TRERF1: variants seen among roughly 807,000 people sequenced by gnomAD.
TRERF1 encodes transcriptional-regulating factor 1.
In TRERF1, 27 loss-of-function variants were observed where a neutral mutation model predicts 122.9. The observed-to-expected ratio is 0.22, with a 90% CI of 0.16 to 0.30. The LOEUF (loss-of-function observed/expected upper bound fraction) is 0.30. Among genes scored for constraint, TRERF1 ranks in the 10% least tolerant of loss-of-function variants. The probability of loss-of-function intolerance (pLI) is 1.00; values close to 1 mark genes in which losing one functional copy is unlikely to be tolerated. For synonymous variants in TRERF1, 636 were observed against 641.7 expected (o/e 0.99, Z 0.13); for missense variants, 1,248 against 1,560.3 (o/e 0.80, Z 3.37).
chr6:42,347,853 C>A (rs564694697), intron 3 of TRERF1, among the ~76,000 whole-genome samples: 1 of 152,326 alleles, frequency 6.6e-6, no homozygotes, highest in East Asian at 1.9e-4. Flanking sequence ...GTCTGCAGAG[C>A]TTCCCAGAGG....
chr6:42,243,582 ATTT>A (rs879346237), intron 14 of TRERF1, among the ~76,000 whole-genome samples: 5 of 142,362 alleles, frequency 3.5e-5, no homozygotes, highest in Non-Finnish European at 6.2e-5. Context: ...ACCATTCCAG[ATTT>A]TTTTTTTTTT....
At chr6:42,361,210 T>C (rs1244851220) in intron 3 of TRERF1, among the ~76,000 whole-genome samples, 1 of 152,214 alleles carries the variant, frequency 6.6e-6, no homozygotes, top group Non-Finnish European at 1.5e-5. Context: ...GTTGTCAGTC[T>C]GCAACGTGAA....
chr6:42,354,151 A>T (rs960141139), intron 3 of TRERF1, among the ~76,000 whole-genome samples: 2 of 152,032 alleles, frequency 1.3e-5, no homozygotes, highest in Non-Finnish European at 2.9e-5. Context: ...TTGGAGGGTG[A>T]TTGTGTCAGT....
intron 3 of TRERF1, among the ~76,000 whole-genome samples, chr6:42,302,302 A>G (rs779551986): frequency 6.6e-6 from 1 of 152,202 alleles, no homozygotes; most frequent in Non-Finnish European, 1.5e-5. Context: ...AAAAACCTTT[A>G]ACTGCCTATT....
At chr6:42,299,258 T>C (rs540639906) in intron 4 of TRERF1, among the ~76,000 whole-genome samples, 2 of 151,748 alleles carry the variant, frequency 1.3e-5, no homozygotes, top group East Asian at 3.9e-4. Context: ...TCCAGGTAGC[T>C]AGCTGGGTAA....
chr6:42,367,311 A>T (rs150481271), intron 2 of TRERF1, among the ~76,000 whole-genome samples: 1 of 152,110 alleles, frequency 6.6e-6, no homozygotes, highest in Non-Finnish European at 1.5e-5. Context: ...GTTTGCAAAG[A>T]AGGATGGCAG....
At chr6:42,355,816 G>A (rs936699054) in intron 3 of TRERF1, among the ~76,000 whole-genome samples, 4 of 152,172 alleles carry the variant, frequency 2.6e-5, no homozygotes, top group African/African-American at 9.7e-5. Context: ...CCATGAAAAG[G>A]GAGTAAATGC....
intron 15 of TRERF1, among the ~76,000 whole-genome samples, chr6:42,241,109 C>T (rs1773597935): frequency 6.6e-6 from 1 of 152,174 alleles, no homozygotes; most frequent in African/African-American, 2.4e-5. Flanking sequence ...TGGTCTCGAT[C>T]TCCTGACCTC....
At chr6:42,408,255 A>T (rs149709792) in intron 2 of TRERF1, among the ~76,000 whole-genome samples, 4 of 88,354 alleles carry the variant, frequency 4.5e-5, no homozygotes, top group African/African-American at 1.1e-4. Flanking sequence ...ATATACATAC[A>T]CATGTGTGTG....
At chr6:42,343,708 T>C (rs568087212) in intron 3 of TRERF1, among the ~76,000 whole-genome samples, 1 of 152,332 alleles carries the variant, frequency 6.6e-6, no homozygotes, top group Admixed American at 6.5e-5. Context: ...GTATGGGGTT[T>C]GGTTGTATGT....
intron 2 of TRERF1, among the ~76,000 whole-genome samples, chr6:42,439,207 T>C (rs1056112575): frequency 2.0e-4 from 31 of 152,096 alleles, no homozygotes; most frequent in African/African-American, 7.2e-4. Flanking sequence ...CTGGATTCCG[T>C]TCCCCAACAC....
At chr6:42,431,059 C>CAA (rs535412294) in intron 2 of TRERF1, among the ~76,000 whole-genome samples, 5 of 68,684 alleles carry the variant, frequency 7.3e-5, no homozygotes, top group Admixed American at 1.7e-4. Context: ...GACTCAGTCT[C>CAA]AAAAAAAAAA....
chr6:42,350,013 T>C (rs2150812405), intron 3 of TRERF1, among the ~76,000 whole-genome samples: 1 of 152,308 alleles, frequency 6.6e-6, no homozygotes, highest in East Asian at 1.9e-4. Flanking sequence ...CTAATCTTAT[T>C]AGTGGACTAT....
intron 4 of TRERF1, among the ~76,000 whole-genome samples, chr6:42,289,731 A>G (rs1467988293): frequency 6.6e-6 from 1 of 152,234 alleles, no homozygotes; most frequent in Non-Finnish European, 1.5e-5. Context: ...ATCGACAGGC[A>G]GTGGCTAGAT....
At chr6:42,408,212 T>A (rs1228671192) in intron 2 of TRERF1, among the ~76,000 whole-genome samples, 2 of 122,300 alleles carry the variant, frequency 1.6e-5, no homozygotes, top group East Asian at 4.6e-4. Context: ...TATAAATAAA[T>A]ATATATATAT....
chr6:42,408,871 A>T (rs1780701472), intron 2 of TRERF1, among the ~76,000 whole-genome samples: 1 of 152,172 alleles, frequency 6.6e-6, no homozygotes, highest in African/African-American at 2.4e-5. Flanking sequence ...AATTTATAAC[A>T]TATGATGTGA....
rs73733189 is a variant in TRERF1, at chr6:42,407,943, T to A, written c.-454+43234A>T. On this transcript the variant is annotated intron_variant, in intron 2 of 17. Transcript: ENST00000372922. ...TATCAAGTGTTTGAGTTCTCCACTGTATTGTTTTCACAGCATTTGCCTAAC... is the reference window on the plus strand; with the variant it reads ...TATCAAGTGTTTGAGTTCTCCACTGAATTGTTTTCACAGCATTTGCCTAAC... 8.0e-3 allele frequency among the ~76,000 whole-genome samples: 1,215 copies of A among 151,650 alleles called. 15 individuals carry two copies. Among genetic ancestry groups the A allele is most frequent in the African/African-American group, 0.028 (1,168 of 41,302 alleles).
At chr6:42,417,505 A>G (rs1025482670) in intron 2 of TRERF1, among the ~76,000 whole-genome samples, 13 of 152,224 alleles carry the variant, frequency 8.5e-5, no homozygotes, top group African/African-American at 3.1e-4. Context: ...ATTAACAAAA[A>G]GCCCCCCAGG....
intron 2 of TRERF1, among the ~76,000 whole-genome samples, chr6:42,412,555 T>C (rs1781267095): frequency 6.6e-6 from 1 of 152,190 alleles, no homozygotes; most frequent in Non-Finnish European, 1.5e-5. Flanking sequence ...GCCTCCATCA[T>C]ATTCCCAAAG....
Sources: allele counts gnomAD v4.1 joint callset (sites outside exome capture counted in the v4.1 genomes callset), GRCh38; gene constraint gnomAD v4.1.1; transcripts MANE v1.5; gene names NCBI Gene and HGNC (gene_info 2026-07-23, HGNC 2026-07-21).